The following ARHGEF3 variants were observed in gnomAD, a reference collection of about 807,000 sequenced individuals.
The protein encoded by ARHGEF3 is Rho guanine nucleotide exchange factor 3.
In ARHGEF3, 28 loss-of-function variants were observed where a neutral mutation model predicts 63.2. The observed-to-expected ratio is 0.44, with a 90% CI of 0.33 to 0.61. The LOEUF (loss-of-function observed/expected upper bound fraction) is 0.61. Among genes scored for constraint, ARHGEF3 ranks in the 20% least tolerant of loss-of-function variants. The pLI is 0.03. For missense variants in ARHGEF3, 533 were observed against 659.3 expected, an observed-to-expected ratio of 0.81 and a Z score of 2.10; for synonymous variants, 266 against 254.2, an observed-to-expected ratio of 1.05 and a Z score of -0.44.
At chr3:56,788,516 T>A (rs1578514238) in intron 1 of ARHGEF3, among the ~76,000 whole-genome samples, 1 of 152,326 alleles carries the variant, frequency 6.6e-6, no homozygotes, top group Non-Finnish European at 1.5e-5. Context: ...TACCAGCTCA[T>A]ATCCATCACA....
intron 2 of ARHGEF3, among the ~76,000 whole-genome samples, chr3:57,026,311 G>A (rs1383800420): frequency 2.0e-5 from 3 of 152,148 alleles, no homozygotes; most frequent in Non-Finnish European, 4.4e-5. Flanking sequence ...TGAGGTAGAA[G>A]GATCACTTGA....
chr3:57,068,600 A>AC (rs1396686529), intron 1 of ARHGEF3, among the ~76,000 whole-genome samples: 2 of 152,220 alleles, frequency 1.3e-5, no homozygotes, highest in Non-Finnish European at 2.9e-5. Context: ...GCAAGACTGC[A>AC]CAGGGCTTTT....
At chr3:56,954,238 C>A (rs1699942783) in intron 3 of ARHGEF3, among the ~76,000 whole-genome samples, 1 of 152,172 alleles carries the variant, frequency 6.6e-6, no homozygotes, top group African/African-American at 2.4e-5. Context: ...AGTTAACTTA[C>A]AGGCAATGGC....
At chr3:56,984,390 G>C (rs1332319395) in intron 2 of ARHGEF3, among the ~76,000 whole-genome samples, 2 of 152,182 alleles carry the variant, frequency 1.3e-5, no homozygotes, top group Admixed American at 1.3e-4. Flanking sequence ...TGGATGGATG[G>C]TTGGTAAGTG....
At chr3:56,782,869 G>A (rs1366327299) in intron 1 of ARHGEF3, among the ~76,000 whole-genome samples, 1 of 152,098 alleles carries the variant, frequency 6.6e-6, no homozygotes, top group African/African-American at 2.4e-5. Flanking sequence ...AGAGAGTCTG[G>A]GCAAACCCAC....
At chr3:56,954,891 G>C (rs1699973628) in intron 3 of ARHGEF3, among the ~76,000 whole-genome samples, 1 of 152,142 alleles carries the variant, frequency 6.6e-6, no homozygotes, top group South Asian at 2.1e-4. Flanking sequence ...GACTAATGGA[G>C]GTCTGCAGGG....
In ARHGEF3 at chr3:57,010,348, T is replaced by C. The variant is rs974154738; in HGVS notation, c.62+24740A>G. On this transcript the variant is annotated intron_variant, in intron 2 of 12. Transcript: ENST00000338458. ...GCGGGTGCCTGTAGTCCCAGCTACTTGGGAGGCTGAGGCAGGAGAATGGCG... is the reference window on the plus strand; with the variant it reads ...GCGGGTGCCTGTAGTCCCAGCTACTCGGGAGGCTGAGGCAGGAGAATGGCG... Among the ~76,000 whole-genome samples the C allele has an allele frequency of 5.4e-5, 8 of 149,246 alleles. No homozygotes were observed. The South Asian group carries it at 6.4e-4, about 12-fold the overall frequency.
chr3:56,736,441 GGTT>G (rs560553655), intron 8 of ARHGEF3, among the ~76,000 whole-genome samples: 1 of 152,208 alleles, frequency 6.6e-6, no homozygotes, highest in Non-Finnish European at 1.5e-5. Context: ...ATAGAAGATA[GGTT>G]GTTATTTTTA....
chr3:57,066,364 C>T (rs1387336039), intron 1 of ARHGEF3, among the ~76,000 whole-genome samples: 14 of 152,046 alleles, frequency 9.2e-5, no homozygotes, highest in Admixed American at 7.9e-4. Flanking sequence ...CAGGTTCAAG[C>T]GATTCACCTG....
chr3:57,066,489 C>T (rs1357127062), intron 1 of ARHGEF3, among the ~76,000 whole-genome samples: 2 of 152,216 alleles, frequency 1.3e-5, no homozygotes, highest in Admixed American at 6.5e-5. Context: ...TCTTGAACTC[C>T]TGACCTCAAG....
chr3:56,970,124 G>A (rs1454205829), intron 2 of ARHGEF3, among the ~76,000 whole-genome samples: 1 of 152,136 alleles, frequency 6.6e-6, no homozygotes, highest in African/African-American at 2.4e-5. Context: ...GTGGTGATGG[G>A]TGCACAACCT....
intron 1 of ARHGEF3, among the ~76,000 whole-genome samples, chr3:56,795,655 C>CT (rs11306302): frequency 6.7e-4 from 87 of 130,520 alleles, no homozygotes; most frequent in South Asian, 2.3e-3. Flanking sequence ...GTCTCTCTCT[C>CT]TTTTTTTTTT....
intron 4 of ARHGEF3, among the ~76,000 whole-genome samples, chr3:56,843,209 G>A (rs1009561075): frequency 6.6e-6 from 1 of 152,086 alleles, no homozygotes; most frequent in East Asian, 1.9e-4. Flanking sequence ...TTCTGTGGTG[G>A]CTTAGCTTAG....
intron 1 of ARHGEF3, among the ~76,000 whole-genome samples, chr3:56,793,295 G>C (rs1464189902): frequency 2.0e-5 from 3 of 151,606 alleles, no homozygotes; most frequent in African/African-American, 4.9e-5. Context: ...TCAGCCTCCC[G>C]AGTAGCTGGG....
rs75763950 is a variant in ARHGEF3 at position 56,997,265 on chromosome 3, G to A, written c.62+37823C>T. On this transcript the variant is annotated intron_variant, in intron 2 of 12. Coordinates refer to the ARHGEF3 transcript ENST00000338458. The stretch of plus-strand genomic sequence containing the variant: ...CTCCCTCAGGATGGACCACTCCCCC[G>A]GAGCCCCCAACTCTCAATTCAGACT... Among the ~76,000 whole-genome samples, 1,301 of 152,126 alleles carry A rather than the reference G, an allele frequency of 8.6e-3. 16 individuals carry two copies. The highest frequency in any genetic ancestry group is 0.029 in the African/African-American group (1,206 of 41,510).
intron 2 of ARHGEF3, among the ~76,000 whole-genome samples, chr3:57,015,282 TA>T (rs1702944573): frequency 6.6e-6 from 1 of 152,142 alleles, no homozygotes; most frequent in South Asian, 2.1e-4. Context: ...CTCCTACCTC[TA>T]AACCTTCCCT....
intron 2 of ARHGEF3, among the ~76,000 whole-genome samples, chr3:56,967,345 A>G (rs1164474050): frequency 9.5e-6 from 1 of 105,752 alleles, no homozygotes; most frequent in Non-Finnish European, 1.7e-5. Flanking sequence ...TGTACATATC[A>G]TATATTATAT....
intron 1 of ARHGEF3, among the ~76,000 whole-genome samples, chr3:56,794,217 G>T (rs1214987149): frequency 1.3e-5 from 2 of 152,122 alleles, no homozygotes; most frequent in Non-Finnish European, 2.9e-5. Flanking sequence ...GCCAGGCATG[G>T]TGGCTCACGC....
intron 3 of ARHGEF3, chr3:56,940,130 G>A (rs1699102782): frequency 6.6e-6 from 1 of 152,298 alleles, no homozygotes; most frequent in Non-Finnish European, 1.5e-5. Context: ...AGTGCTAAGA[G>A]CAGAGAGGAG....
Sources: gnomAD v4.1 joint callset for allele counts (sites outside exome capture counted in the v4.1 genomes callset) on GRCh38, gnomAD v4.1.1 for gene constraint, MANE v1.5 for transcripts, NCBI Gene and HGNC (gene_info 2026-07-23, HGNC 2026-07-21) for gene names.